Variants in KCTD16 observed in about 807,000 individuals in gnomAD.
KCTD16 encodes the protein BTB/POZ domain-containing protein KCTD16.
A neutral mutation model predicts 33.2 loss-of-function variants in KCTD16; 13 were observed. The ratio of observed to expected loss-of-function variants is 0.39; its 90% confidence interval spans 0.25 to 0.62. The LOEUF (loss-of-function observed/expected upper bound fraction) is 0.62, where lower values mean the gene tolerates loss of function less well. Ranked by LOEUF, KCTD16 falls within the 20% of genes least tolerant of loss-of-function variation. The pLI, the probability that KCTD16 is intolerant of heterozygous loss-of-function variation, is 0.50. For missense variants in KCTD16, 441 were observed against 525.1 expected (o/e 0.84, Z 1.57); for synonymous variants, 197 against 195.3 (o/e 1.01, Z -0.07).
intron 3 of KCTD16, among the ~76,000 whole-genome samples, chr5:144,339,263 G>A (rs564462602): frequency 4.6e-5 from 7 of 152,250 alleles, no homozygotes; most frequent in South Asian, 4.1e-4. Flanking sequence ...AGAGACATTC[G>A]ATAGCTAGAA....
At chr5:144,181,589 ATAT>A (rs1322466982) in intron 2 of KCTD16, among the ~76,000 whole-genome samples, 1 of 152,242 alleles carries the variant, frequency 6.6e-6, no homozygotes, top group East Asian at 1.9e-4. Context: ...GTATAATTGA[ATAT>A]TATTCAGCTT....
chr5:144,404,827 AG>A (rs1407815026), intron 3 of KCTD16, among the ~76,000 whole-genome samples: 1 of 152,170 alleles, frequency 6.6e-6, no homozygotes, highest in Non-Finnish European at 1.5e-5. Context: ...TCATCTACAC[AG>A]GTGAACACAG....
intron 1 of KCTD16, among the ~76,000 whole-genome samples, chr5:144,173,661 T>A (rs553817159): frequency 6.6e-6 from 1 of 152,290 alleles, no homozygotes; most frequent in Admixed American, 6.5e-5. Context: ...TTATTAGATA[T>A]AGATATTATT....
intron 3 of KCTD16, among the ~76,000 whole-genome samples, chr5:144,281,168 C>G (rs1482839091): frequency 6.6e-6 from 1 of 152,192 alleles, no homozygotes; most frequent in Non-Finnish European, 1.5e-5. Context: ...GGCGACAGAC[C>G]GAGACTCCGT....
intron 3 of KCTD16, among the ~76,000 whole-genome samples, chr5:144,279,190 G>A (rs1044138281): frequency 1.3e-5 from 2 of 152,170 alleles, no homozygotes; most frequent in Admixed American, 1.3e-4. Flanking sequence ...TAGTTTAAGA[G>A]CTTTTCTTGT....
At chr5:144,200,745 G>T (rs542583639) in intron 2 of KCTD16, among the ~76,000 whole-genome samples, 2 of 152,206 alleles carry the variant, frequency 1.3e-5, no homozygotes, top group South Asian at 4.1e-4. Flanking sequence ...CTATAACTTT[G>T]TTTTCTTTTT....
At chr5:144,425,748 T>A (rs1753314529) in intron 3 of KCTD16, among the ~76,000 whole-genome samples, 1 of 151,736 alleles carries the variant, frequency 6.6e-6, no homozygotes, top group Admixed American at 6.6e-5. Context: ...AGGAACAGAG[T>A]CCCAAGGAAG....
In KCTD16 at chr5:144,480,489, A is replaced by G. The variant is rs1275170706; in HGVS notation, c.*6375A>G. On this transcript the variant is annotated 3_prime_UTR_variant, in exon 4 of 4. Coordinates refer to ENST00000512467, the MANE Select transcript of KCTD16 (RefSeq NM_020768.4). ...GATAGACATAGAATACATATTAATC[A>G]TCAGTAGTCTTTTTTAATTGCAGCC... The G allele has an allele frequency of 1.3e-5, 2 of 152,016 alleles. No homozygotes were observed. The highest frequency in any genetic ancestry group is 2.9e-5 in the Non-Finnish European group (2 of 67,956). The allele number at this position is 152,016 out of a possible 1,614,324, so 9.4% of individuals were successfully genotyped here.
intron 3 of KCTD16, among the ~76,000 whole-genome samples, chr5:144,324,166 T>C (rs1386464728): frequency 6.6e-6 from 1 of 152,086 alleles, no homozygotes; most frequent in Non-Finnish European, 1.5e-5. Flanking sequence ...ACTGCCTCCT[T>C]CCATCTCCTA....
chr5:144,409,616 T>C (rs888733661), intron 3 of KCTD16, among the ~76,000 whole-genome samples: 3 of 151,960 alleles, frequency 2.0e-5, no homozygotes, highest in African/African-American at 7.2e-5. Context: ...CCCAGCACTT[T>C]GGGAGGCCGA....
At chr5:144,176,387 CTTTTTTTTTTTT>C (rs368578231) in intron 2 of KCTD16, among the ~76,000 whole-genome samples, 8 of 106,660 alleles carry the variant, frequency 7.5e-5, no homozygotes, top group African/African-American at 2.4e-4. Flanking sequence ...TATAGTGTTT[CTTTTTTTTTTTT>C]TTTTTTTTTT....
At chr5:144,250,357 A>T (rs907616464) in intron 3 of KCTD16, among the ~76,000 whole-genome samples, 1 of 152,228 alleles carries the variant, frequency 6.6e-6, no homozygotes, top group Non-Finnish European at 1.5e-5. Flanking sequence ...GGTCCAAAAT[A>T]ATGCACACTT....
At chr5:144,235,469 A>C (rs1415234131) in intron 3 of KCTD16, among the ~76,000 whole-genome samples, 1 of 152,056 alleles carries the variant, frequency 6.6e-6, no homozygotes, top group African/African-American at 2.4e-5. Flanking sequence ...TCTACCATGC[A>C]TTTCTTGCTT....
At chr5:144,191,639 G>T (rs1389817450) in intron 2 of KCTD16, among the ~76,000 whole-genome samples, 1 of 152,020 alleles carries the variant, frequency 6.6e-6, no homozygotes, top group Non-Finnish European at 1.5e-5. Flanking sequence ...TCCTTCCTCA[G>T]ATTTCTTTAA....
chr5:144,320,633 C>T (rs1752045778), intron 3 of KCTD16, among the ~76,000 whole-genome samples: 1 of 152,064 alleles, frequency 6.6e-6, no homozygotes, highest in African/African-American at 2.4e-5. Context: ...TAATAATAAA[C>T]ATTTGTGATT....
chr5:144,205,019 A>G (rs1753129162), intron 2 of KCTD16, among the ~76,000 whole-genome samples: 1 of 152,010 alleles, frequency 6.6e-6, no homozygotes, highest in Admixed American at 6.5e-5. Flanking sequence ...GAAGATCTGT[A>G]GATTTTTCAA....
At chr5:144,449,538 A>T (rs1381142932) in intron 3 of KCTD16, among the ~76,000 whole-genome samples, 2 of 151,996 alleles carry the variant, frequency 1.3e-5, no homozygotes, top group East Asian at 3.9e-4. Context: ...CTGAATCTAA[A>T]ATAAAAGTTG....
intron 3 of KCTD16, among the ~76,000 whole-genome samples, chr5:144,392,956 GTTGT>G (rs1248500300): frequency 6.6e-6 from 1 of 151,954 alleles, no homozygotes; most frequent in Non-Finnish European, 1.5e-5. Context: ...AAATTTTGAG[GTTGT>G]TTGTTATTGC....
chr5:144,364,615 T>C (rs939144245), intron 3 of KCTD16, among the ~76,000 whole-genome samples: 2 of 152,246 alleles, frequency 1.3e-5, no homozygotes, highest in African/African-American at 4.8e-5. Context: ...ACTGACTGTT[T>C]AATTTATGGT....
Sources: allele counts gnomAD v4.1 joint callset (sites outside exome capture counted in the v4.1 genomes callset), GRCh38; gene constraint gnomAD v4.1.1; transcripts MANE v1.5; gene names NCBI Gene and HGNC (gene_info 2026-07-23, HGNC 2026-07-21).